The following ARHGEF17 variants were observed in gnomAD, a reference collection of about 807,000 sequenced individuals.
The protein encoded by ARHGEF17 is 164 kDa Rho-specific guanine-nucleotide exchange factor.
In ARHGEF17, 80 loss-of-function variants were observed where a neutral mutation model predicts 174.0. The ratio of observed to expected loss-of-function variants is 0.46; its 90% CI spans 0.38 to 0.55. ARHGEF17 has a LOEUF of 0.55. Among genes scored for constraint, ARHGEF17 ranks in the 20% least tolerant of loss-of-function variants. The pLI is 0.00. For missense variants in ARHGEF17, 2,886 were observed against 2,839.7 expected (o/e 1.02, Z -0.37); for synonymous variants, 1,311 against 1,189.1 (o/e 1.10, Z -2.11).
In ARHGEF17 at chr11:73,311,745, C is replaced by T. The variant is rs539946152; in HGVS notation, c.3107C>T (p.Pro1036Leu). Residue 1036 changes from proline (P) to leucine (L), a missense_variant, in exon 1 of 21, where the codon CCC becomes CTC. Physicochemically the swap from Pro to Leu is moderately conservative, Grantham distance 98 (BLOSUM62 -3). Coordinates refer to ENST00000263674, the MANE Select transcript of ARHGEF17 (RefSeq NM_014786.4). ...CCCTGCTTGCCTCTGGCTGCACCGC[C>T]CTCTGCTGAGGCCAAGCCCCCTGAG... ...DMPCLPLAAP[P>L]SAEAKPPEAA... The T allele has an allele frequency of 1.2e-5, 20 of 1,613,190 alleles. No individual in the cohort carries two copies. In the East Asian group the frequency reaches 2.2e-4, roughly 18 times the overall value.
chr11:73,315,386 CCT>C (rs1864911545), intron 1 of ARHGEF17, among the ~76,000 whole-genome samples: 1 of 152,214 alleles, frequency 6.6e-6, no homozygotes, highest in African/African-American at 2.4e-5. Flanking sequence ...TGGCCTTGTT[CCT>C]CTCCACTCAG....
chr11:73,346,570 C>T (rs1053216917), intron 1 of ARHGEF17, among the ~76,000 whole-genome samples: 1 of 152,188 alleles, frequency 6.6e-6, no homozygotes, highest in Non-Finnish European at 1.5e-5. Context: ...TTTTAAAGAC[C>T]CTTTTTCAAT....
In ARHGEF17 at chr11:73,362,607, C is replaced by T. The variant is rs747165387; in HGVS notation, c.4869C>T (p.Leu1623=). The change falls in exon 14 of 21, where the codon CTC becomes CTT. Residue 1623 remains leucine, a synonymous_variant. Coordinates refer to ENST00000263674, the MANE Select transcript of ARHGEF17 (RefSeq NM_014786.4). ...AGSGLEMTPG[L]GEGDPRPELV... ...CGGGCTTGGAGATGACGCCGGGCCT[C>T]GGCGAGGGTGACCCCCGCCCAGAGC... 5 of 1,611,026 alleles carry T rather than the reference C, an allele frequency of 3.1e-6. No homozygotes were observed. The highest frequency in any genetic ancestry group is 3.3e-4 in the Middle Eastern group (2 of 6,060).
intron 1 of ARHGEF17, among the ~76,000 whole-genome samples, chr11:73,336,806 T>A (rs1865293259): frequency 6.6e-6 from 1 of 152,172 alleles, no homozygotes; most frequent in Non-Finnish European, 1.5e-5. Flanking sequence ...TGGGCTGGAA[T>A]TACCTTGAAG....
At chr11:73,352,718 C>A in intron 2 of ARHGEF17, 112 bp from the exon 3 acceptor site, 2 of 1,160,340 alleles carry the variant, frequency 1.7e-6, no homozygotes, top group Non-Finnish European at 2.5e-6. Context: ...GAAGGCAGGG[C>A]GCTGAGCTGC....
rs113674594 is a variant in ARHGEF17, at chr11:73,365,258, C to T, written c.5551-132C>T. On this transcript the variant is annotated intron_variant, in intron 18 of 20. Transcript: ENST00000263674. This position sits in a 1 kb window ranked among gnomAD's most constrained non-coding sequence, Gnocchi z 4.9. ...GGGAGGTGCTGGTGAAACCAAGCTT[C>T]GAAAGGTTAATCAGACCAAGGACCA... The T allele has an allele frequency of 8.1e-4, 814 of 1,007,584 alleles. 5 individuals carry two copies. The East Asian group carries it at 0.012, about 15-fold the overall frequency. 62.4% of individuals were successfully genotyped at this position (1,007,584 alleles called of 1,614,324 possible).
At chr11:73,342,702 G>C (rs1190385511) in intron 1 of ARHGEF17, among the ~76,000 whole-genome samples, 1 of 152,128 alleles carries the variant, frequency 6.6e-6, no homozygotes, top group Non-Finnish European at 1.5e-5. Flanking sequence ...CCGGCGCTGG[G>C]TACAGGTGCG....
At chr11:73,356,924 T>C in intron 7 of ARHGEF17, 101 bp from the exon 8 acceptor site, 1 of 1,484,002 alleles carries the variant, frequency 6.7e-7, no homozygotes, top group Non-Finnish European at 9.3e-7. Context: ...GGAAGAGCCC[T>C]CACTCTCCCT....
In ARHGEF17 at chr11:73,310,939, A is replaced by G. The variant is rs764012135; in HGVS notation, c.2301A>G (p.Thr767=). 3 of 1,613,928 alleles carry G rather than the reference A, an allele frequency of 1.9e-6. No homozygotes were observed. Among genetic ancestry groups the G allele is most frequent in the African/African-American group, 2.7e-5 (2 of 74,916 alleles). ...TCCTGGGCTCACTGAGCCCCAAGAC[A>G]GGGCTCCCTGCCACCTCAGCCATGG... The part of the protein sequence containing the change: ...SNLLGSLSPK[T]GLPATSAMDE... The change falls in exon 1 of 21, where the codon ACA becomes ACG. Residue 767 remains threonine (T), a synonymous_variant. Coordinates refer to ENST00000263674, the MANE Select transcript of ARHGEF17 (RefSeq NM_014786.4).
chr11:73,352,865 C>G lies in ARHGEF17; in HGVS notation c.3306C>G (p.Ser1102=), dbSNP rs200275004. 6.2e-7 allele frequency: 1 copy of G among 1,614,116 alleles called. No individual in the cohort carries two copies. Among genetic ancestry groups the G allele is most frequent in the East Asian group, 2.2e-5 (1 of 44,880 alleles). ...AGCCGCTGAAGCAGCCAGAGAACTC[C>G]GTGCTCTGTGACCCTTCACTGGTGG... ...YMQPLKQPEN[S]VLCDPSLVDE... Residue 1102 remains serine, a synonymous_variant, in exon 3 of 21, where the codon TCC becomes TCG. Transcript: ENST00000263674.
Position 73,368,823 on chromosome 11 carries a change from A to T in ARHGEF17, c.*1043A>T, listed in dbSNP as rs1865884404. 1 of 152,214 alleles carries T rather than the reference A, an allele frequency of 6.6e-6. No homozygotes were observed. Among genetic ancestry groups the T allele is most frequent in the Admixed American group, 6.5e-5 (1 of 15,282 alleles). 9.4% of individuals were successfully genotyped at this position (152,214 alleles called of 1,614,324 possible). ...CTGAATGTAGCCTTTTCAACAGAGAAGGCTCCCACTTGAGAGCAGCCTCTA... is the reference window on the plus strand; with the variant it reads ...CTGAATGTAGCCTTTTCAACAGAGATGGCTCCCACTTGAGAGCAGCCTCTA... On this transcript the variant is annotated 3_prime_UTR_variant, in exon 21 of 21. Transcript: ENST00000263674.
chr11:73,331,735 G>A (rs1402440859), intron 1 of ARHGEF17, among the ~76,000 whole-genome samples: 2 of 152,160 alleles, frequency 1.3e-5, no homozygotes, highest in African/African-American at 4.8e-5. Flanking sequence ...TTGTCCTGGA[G>A]AGAGAGAGGG....
Position 73,365,769 on chromosome 11 carries a change from T to C in ARHGEF17, c.5817T>C (p.Ser1939=), listed in dbSNP as rs765220214. Residue 1939 remains serine (S), a synonymous_variant, in exon 20 of 21, where the codon AGT becomes AGC. Transcript: ENST00000263674. This position sits in a 1 kb window ranked among gnomAD's most constrained non-coding sequence, Gnocchi z 4.9. ...VCEELLWVGT[S]AGVVLTMPTS... ...AGGAGCTGCTGTGGGTGGGCACCAGTGCTGGTGTCGTCCTCACCATGCCCA... is the reference window on the plus strand; with the variant it reads ...AGGAGCTGCTGTGGGTGGGCACCAGCGCTGGTGTCGTCCTCACCATGCCCA... The C allele has an allele frequency of 1.9e-5, 31 of 1,613,582 alleles. No homozygotes were observed. The highest frequency in any genetic ancestry group is 2.6e-5 in the Non-Finnish European group (31 of 1,180,044).
chr11:73,308,608 G>A lies in ARHGEF17; in HGVS notation c.-31G>A. 1 of 1,419,726 alleles carries A rather than the reference G, an allele frequency of 7.0e-7. No individual in the cohort carries two copies. Among genetic ancestry groups the A allele is most frequent in the Non-Finnish European group, 9.2e-7 (1 of 1,091,714 alleles). 87.9% of individuals were successfully genotyped at this position (1,419,726 alleles called of 1,614,324 possible). A position where few individuals can be genotyped will look rare whatever the true frequency, so the allele number is the denominator to read the frequency against. ...GGGGGGGTTGGCCGCGGCTGCCCGA[G>A]GCCAGCCCCCCCGGAGTGAGTTACG... On this transcript the variant is annotated 5_prime_UTR_variant, in exon 1 of 21. Transcript: ENST00000263674.
At chr11:73,350,730 C>T (rs1353478907) in intron 2 of ARHGEF17, among the ~76,000 whole-genome samples, 4 of 152,206 alleles carry the variant, frequency 2.6e-5, no homozygotes, top group African/African-American at 7.2e-5. Flanking sequence ...CTCTGACACT[C>T]GAAGCTAACA....
intron 1 of ARHGEF17, among the ~76,000 whole-genome samples, chr11:73,328,924 A>G (rs939537332): frequency 6.6e-6 from 1 of 152,012 alleles, no homozygotes; most frequent in Non-Finnish European, 1.5e-5. Flanking sequence ...TCATGGAGGG[A>G]GCCTAGAGAG....
chr11:73,337,785 C>G (rs1865309989), intron 1 of ARHGEF17, among the ~76,000 whole-genome samples: 1 of 152,198 alleles, frequency 6.6e-6, no homozygotes, highest in Non-Finnish European at 1.5e-5. Flanking sequence ...TATGGACCAT[C>G]ACCCTCACCA....
intron 1 of ARHGEF17, among the ~76,000 whole-genome samples, chr11:73,315,608 G>A (rs1864915840): frequency 6.6e-6 from 1 of 152,160 alleles, no homozygotes; most frequent in African/African-American, 2.4e-5. Flanking sequence ...ATTCTGAGCG[G>A]TACCAAATAT....
rs1272615953 is a variant in ARHGEF17 at position 73,309,593 on chromosome 11, A to T, written c.955A>T (p.Asn319Tyr). ...TGATGGGTTAAATCTAAGCAGCATG[A>T]ACTCAGCAGGGGTTTCTGGGAGCCC... is the stretch of plus-strand genomic sequence containing the variant. ...DSDGLNLSSM[N>Y]SAGVSGSPEP... Residue 319 changes from asparagine to tyrosine, a missense_variant, in exon 1 of 21, where the codon AAC (asparagine) becomes TAC (tyrosine). By Grantham distance (143) the Asn-to-Tyr change is moderately radical (BLOSUM62 -2). Coordinates refer to ENST00000263674, the MANE Select transcript of ARHGEF17 (RefSeq NM_014786.4). The T allele has an allele frequency of 1.2e-6, 2 of 1,612,872 alleles. No homozygotes were observed. The highest frequency in any genetic ancestry group is 4.5e-5 in the East Asian group (2 of 44,866).
Sources: allele counts gnomAD v4.1 joint callset (sites outside exome capture counted in the v4.1 genomes callset), GRCh38; gene constraint gnomAD v4.1.1; non-coding constraint Gnocchi (gnomAD v3.1); transcripts MANE v1.5; gene names NCBI Gene and HGNC (gene_info 2026-07-23, HGNC 2026-07-21).